The following ZNF91 variants were observed in gnomAD, a reference collection of about 807,000 sequenced individuals.
ZNF91 encodes zinc finger protein 91, also known as zinc finger protein 91 (HPF7, HTF10).
A neutral mutation model predicts 12.6 loss-of-function variants in ZNF91; 7 were observed. The observed-to-expected ratio is 0.55, with a 90% CI of 0.31 to 1.04. ZNF91 has a LOEUF of 1.04. ZNF91 is among the 50% of genes least tolerant of loss of function. The pLI is 0.05. For missense variants in ZNF91, 1,217 were observed against 1,385.4 expected (o/e 0.88, Z 1.93); for synonymous variants, 453 against 462.6 (o/e 0.98, Z 0.27).
chr19:23,395,233 TGAAG>T (rs1234721368), intron 1 of ZNF91, 88 bp downstream of exon 1: 1 of 1,501,148 alleles, frequency 6.7e-7, no homozygotes, highest in Admixed American at 1.8e-5. Flanking sequence ...TGGAGCTGAC[TGAAG>T]GAAGGCCTGA....
chr19:23,373,611 A>T (rs1260339171), intron 3 of ZNF91, 131 bp downstream of exon 3: 13 of 506,022 alleles, frequency 2.6e-5, no homozygotes, highest in East Asian at 1.7e-4. Context: ...AGCATAATTT[A>T]AAAAAAAAAT....
At chr19:23,322,657 CCTT>C (rs754680551) in intron 1 of ZNF91, among the ~76,000 whole-genome samples, 1 of 146,352 alleles carries the variant, frequency 6.8e-6, no homozygotes, top group Non-Finnish European at 1.5e-5. Flanking sequence ...TCCTCCTCCT[CCTT>C]TTTCCTCCTT....
intron 1 of ZNF91, among the ~76,000 whole-genome samples, chr19:23,390,925 G>A (rs1390493395): frequency 3.3e-5 from 5 of 152,200 alleles, no homozygotes; most frequent in Non-Finnish European, 5.9e-5. Flanking sequence ...CATTCAAGTT[G>A]ATTCCATGTC....
At chr19:23,373,089 C>A (rs1461373498) in intron 3 of ZNF91, among the ~76,000 whole-genome samples, 2 of 152,068 alleles carry the variant, frequency 1.3e-5, no homozygotes, top group Non-Finnish European at 2.9e-5. Flanking sequence ...CACTACAAAC[C>A]CAGATGACAT....
At chr19:23,374,559 CAAA>C (rs59471254) in intron 2 of ZNF91, 76 bp downstream of exon 2, 8,385 of 874,540 alleles carry the variant, frequency 9.6e-3, no homozygotes, top group East Asian at 0.022. Context: ...GACTCTGTCT[CAAA>C]AAAAAAAAAA....
chr19:23,350,675 G>A (rs1028436430), intron 3 of ZNF91, among the ~76,000 whole-genome samples: 1 of 152,128 alleles, frequency 6.6e-6, no homozygotes, highest in Non-Finnish European at 1.5e-5. Flanking sequence ...CTCAGGCCCA[G>A]TTCCAAGGTG....
chr19:23,316,232 A>G (rs936478334), intron 1 of ZNF91, among the ~76,000 whole-genome samples: 4 of 148,906 alleles, frequency 2.7e-5, no homozygotes, highest in African/African-American at 1.0e-4. Flanking sequence ...TGGGCCCAAT[A>G]CCTAGAAAAT....
chr19:23,319,681 T>C (rs1349922588), intron 1 of ZNF91, among the ~76,000 whole-genome samples: 1 of 152,238 alleles, frequency 6.6e-6, no homozygotes, highest in Admixed American at 6.5e-5. Context: ...GGTGAGGCTC[T>C]TTTGACTGAG....
chr19:23,325,861 T>G (rs1967826666), intron 1 of ZNF91: 1 of 152,270 alleles, frequency 6.6e-6, no homozygotes, highest in South Asian at 2.1e-4. Context: ...TCCTCAAAAA[T>G]GAAAGCTGCT....
At chr19:23,393,504 A>C (rs1970136638) in intron 1 of ZNF91, among the ~76,000 whole-genome samples, 2 of 152,072 alleles carry the variant, frequency 1.3e-5, no homozygotes, top group Admixed American at 6.6e-5. Flanking sequence ...AAGACACATC[A>C]CCCTATACAG....
chr19:23,364,708 T>A (rs566859611), intron 3 of ZNF91, among the ~76,000 whole-genome samples: 1 of 152,072 alleles, frequency 6.6e-6, no homozygotes, highest in Non-Finnish European at 1.5e-5. Context: ...AAATAGGATG[T>A]TGAAATTATA....
chr19:23,345,176 C>T (rs1288711355), intron 3 of ZNF91, among the ~76,000 whole-genome samples: 1 of 152,184 alleles, frequency 6.6e-6, no homozygotes, highest in Non-Finnish European at 1.5e-5. Flanking sequence ...TGGTGACAAT[C>T]GCTCCTTTTA....
At chr19:23,370,870 A>G (rs1384284578) in intron 3 of ZNF91, among the ~76,000 whole-genome samples, 1 of 152,214 alleles carries the variant, frequency 6.6e-6, no homozygotes, top group Non-Finnish European at 1.5e-5. Flanking sequence ...TTTTACAACA[A>G]TTATTTTAGG....
At chr19:23,334,574 T>A (rs779213326), downstream of ZNF91, among the ~76,000 whole-genome samples, 4 of 152,200 alleles carry the variant, frequency 2.6e-5, no homozygotes, top group Non-Finnish European at 5.9e-5. Flanking sequence ...TGAGAAACAT[T>A]TATTTTCCAC....
At chr19:23,314,471 C>A (rs953151890), upstream of ZNF91, among the ~76,000 whole-genome samples, 2 of 152,198 alleles carry the variant, frequency 1.3e-5, 1 homozygote, top group South Asian at 4.1e-4. Context: ...TGTATCTCTG[C>A]GACCATAAAC....
chr19:23,345,019 T>A (rs200233394), intron 3 of ZNF91, among the ~76,000 whole-genome samples: 2 of 152,082 alleles, frequency 1.3e-5, no homozygotes, highest in African/African-American at 4.8e-5. Context: ...CAGGGAAAAA[T>A]CCACACAGCC....
intron 1 of ZNF91, among the ~76,000 whole-genome samples, chr19:23,323,690 CCTT>C (rs1452246352): frequency 5.2e-5 from 6 of 114,992 alleles, no homozygotes; most frequent in Non-Finnish European, 8.7e-5. Flanking sequence ...CTCTACTTCT[CCTT>C]CTTTATCCTC....
At chr19:23,369,566 G>A (rs1168118404) in intron 3 of ZNF91, among the ~76,000 whole-genome samples, 3 of 152,180 alleles carry the variant, frequency 2.0e-5, no homozygotes, top group African/African-American at 7.2e-5. Flanking sequence ...GAATAGAAAA[G>A]GGGGAAATGT....
chr19:23,350,704 T>C (rs1197771786), intron 3 of ZNF91, among the ~76,000 whole-genome samples: 2 of 152,102 alleles, frequency 1.3e-5, no homozygotes, highest in East Asian at 3.9e-4. Context: ...CTTGTCCAAG[T>C]AGCGTGCATC....
Sources: allele counts gnomAD v4.1 joint callset (sites outside exome capture counted in the v4.1 genomes callset), GRCh38; gene constraint gnomAD v4.1.1; transcripts MANE v1.5; gene names NCBI Gene and HGNC (gene_info 2026-07-23, HGNC 2026-07-21).